Variants in BBX observed in about 807,000 individuals in gnomAD.
BBX encodes the protein BBX high mobility group box domain containing, also known as HMG box transcription factor BBX.
In BBX, 30 loss-of-function variants were observed where a neutral mutation model predicts 100.2. The ratio of observed to expected loss-of-function variants is 0.30; its 90% CI spans 0.22 to 0.41. The LOEUF is 0.41. Among genes scored for constraint, BBX ranks in the 10% least tolerant of loss-of-function variants. The probability of loss-of-function intolerance (pLI) is 1.00; values close to 1 mark genes in which losing one functional copy is unlikely to be tolerated. For synonymous variants in BBX, 376 were observed against 388.1 expected (o/e 0.97, Z 0.37); for missense variants, 1,023 against 1,129.8 (o/e 0.91, Z 1.35).
intron 2 of BBX, among the ~76,000 whole-genome samples, chr3:107,618,613 A>G (rs1236978848): frequency 6.6e-6 from 1 of 151,870 alleles, no homozygotes; most frequent in African/African-American, 2.4e-5. Flanking sequence ...CACTTGTTTC[A>G]ATGTTATTTT....
At chr3:107,647,945 G>A (rs781330601) in intron 3 of BBX, among the ~76,000 whole-genome samples, 1 of 152,098 alleles carries the variant, frequency 6.6e-6, no homozygotes, top group Non-Finnish European at 1.5e-5. Flanking sequence ...GCTTGGAAGT[G>A]GCACATGTCA....
At chr3:107,716,012 T>C (rs1265591427) in intron 4 of BBX, among the ~76,000 whole-genome samples, 3 of 152,220 alleles carry the variant, frequency 2.0e-5, no homozygotes, top group Non-Finnish European at 2.9e-5. Context: ...ATTTTGATTT[T>C]TTTACACAAG....
intron 7 of BBX, among the ~76,000 whole-genome samples, chr3:107,742,495 A>G (rs1560078161): frequency 6.6e-6 from 1 of 152,084 alleles, no homozygotes; most frequent in African/African-American, 2.4e-5. Context: ...TAAATCCGTA[A>G]TGCTTTAAAG....
At chr3:107,582,423 G>A (rs993209202) in intron 2 of BBX, among the ~76,000 whole-genome samples, 3 of 151,744 alleles carry the variant, frequency 2.0e-5, no homozygotes, top group Non-Finnish European at 4.4e-5. Flanking sequence ...TATCTTTATG[G>A]TTGAAGGATC....
chr3:107,571,674 C>T (rs754237704), intron 2 of BBX, among the ~76,000 whole-genome samples: 2 of 152,192 alleles, frequency 1.3e-5, no homozygotes, highest in African/African-American at 2.4e-5. Context: ...ACTGGTCTCC[C>T]GAAGGAGTCC....
chr3:107,747,906 C>G, intron 8 of BBX, 59 bp from the exon 9 acceptor site: 1 of 1,427,908 alleles, frequency 7.0e-7, no homozygotes, highest in Non-Finnish European at 9.8e-7. Context: ...ATGGCAGAAT[C>G]TTATGATCTG....
intron 7 of BBX, 146 bp from the exon 8 acceptor site, chr3:107,744,484 A>G (rs778816410): frequency 1.6e-6 from 1 of 626,670 alleles, no homozygotes; most frequent in Admixed American, 2.8e-5. Flanking sequence ...GAGGAAATGT[A>G]TATCCTGAGA....
intron 2 of BBX, among the ~76,000 whole-genome samples, chr3:107,579,931 AAC>A (rs1410232658): frequency 6.6e-6 from 1 of 152,146 alleles, no homozygotes; most frequent in Non-Finnish European, 1.5e-5. Context: ...TAGTTTTAAG[AAC>A]ACAAGTTGGC....
intron 3 of BBX, among the ~76,000 whole-genome samples, chr3:107,704,056 G>T (rs2061245282): frequency 6.6e-6 from 1 of 152,020 alleles, no homozygotes; most frequent in South Asian, 2.1e-4. Flanking sequence ...GGGTTTCCTG[G>T]GTCCAGTTCT....
intron 17 of BBX, among the ~76,000 whole-genome samples, chr3:107,802,895 C>T (rs568102659): frequency 2.6e-5 from 4 of 152,304 alleles, no homozygotes; most frequent in South Asian, 2.1e-4. Flanking sequence ...CCCTAGTCCC[C>T]GGTCCTCTTC....
At position 107,801,150 on chromosome 3, in the gene BBX, C is replaced by A; in HGVS notation, c.2607C>A (p.Asp869Glu). 1 of 1,614,222 alleles carries A rather than the reference C, an allele frequency of 6.2e-7. No individual in the cohort carries two copies. The highest frequency in any genetic ancestry group is 8.5e-7 in the Non-Finnish European group (1 of 1,180,042). Residue 869 changes from aspartate to glutamate, a missense_variant, in exon 17 of 18, where the codon GAC (aspartate) becomes GAA (glutamate). Asp to Glu is a conservative substitution (Grantham distance 45, BLOSUM62 2). Coordinates refer to ENST00000325805, the MANE Select transcript of BBX (RefSeq NM_001142568.3). ...QRSLPKATET[D>E]CNDKCSHNTE... ...GTCTCCCTAAAGCAACTGAGACAGA[C>A]TGCAATGACAAATGCTCACACAACA...
intron 3 of BBX, among the ~76,000 whole-genome samples, chr3:107,647,287 C>T (rs1019431338): frequency 6.6e-6 from 1 of 152,134 alleles, no homozygotes; most frequent in Non-Finnish European, 1.5e-5. Context: ...TGGCAGTATT[C>T]TGAATTTGCT....
In BBX at chr3:107,805,855, A is replaced by C. The variant is rs1006315465; in HGVS notation, c.*398A>C. The C allele has an allele frequency of 4.5e-5, 9 of 202,176 alleles. No individual in the cohort carries two copies. The highest frequency in any genetic ancestry group is 1.1e-4 in the East Asian group (1 of 8,752). 12.5% of individuals were successfully genotyped at this position (202,176 alleles called of 1,614,324 possible). A position where few individuals can be genotyped will look rare whatever the true frequency, so the allele number is the denominator to read the frequency against. ...GTTATTCTTTCAAAACAAAACAAAA[A>C]AAAAACAAAAACTGACGCACTGCAC... is the stretch of plus-strand genomic sequence containing the variant. On this transcript the variant is annotated 3_prime_UTR_variant, in exon 18 of 18. Coordinates refer to ENST00000325805, the MANE Select transcript of BBX (RefSeq NM_001142568.3).
intron 10 of BBX, among the ~76,000 whole-genome samples, chr3:107,756,098 G>A (rs940268419): frequency 2.6e-5 from 4 of 152,040 alleles, no homozygotes; most frequent in Non-Finnish European, 5.9e-5. Context: ...CATATGACAT[G>A]TTCTAAAATC....
chr3:107,782,777 T>G (rs940844834), intron 13 of BBX, among the ~76,000 whole-genome samples: 3 of 152,116 alleles, frequency 2.0e-5, no homozygotes, highest in Admixed American at 1.3e-4. Context: ...ACGGGTCATC[T>G]GCCCAAAAAC....
chr3:107,548,093 T>G (rs1432296048), intron 2 of BBX, among the ~76,000 whole-genome samples: 2 of 152,164 alleles, frequency 1.3e-5, no homozygotes, highest in Non-Finnish European at 1.5e-5. Flanking sequence ...GCATCGAGGT[T>G]TGGACGTATG....
At chr3:107,743,365 C>G (rs1429135677) in intron 7 of BBX, among the ~76,000 whole-genome samples, 1 of 152,078 alleles carries the variant, frequency 6.6e-6, no homozygotes, top group Non-Finnish European at 1.5e-5. Context: ...GATTTGTTGG[C>G]CTTTTTAATT....
chr3:107,662,474 G>C (rs376062361), intron 3 of BBX: 1 of 152,068 alleles, frequency 6.6e-6, no homozygotes, highest in Non-Finnish European at 1.5e-5. Flanking sequence ...AACATAATTG[G>C]TATCCGCTGC....
chr3:107,585,752 A>G (rs1458023544), intron 2 of BBX, among the ~76,000 whole-genome samples: 1 of 152,208 alleles, frequency 6.6e-6, no homozygotes, highest in Non-Finnish European at 1.5e-5. Context: ...AACTTGTGAT[A>G]TATATGACTC....
Sources: allele counts gnomAD v4.1 joint callset (sites outside exome capture counted in the v4.1 genomes callset), GRCh38; gene constraint gnomAD v4.1.1; transcripts MANE v1.5; gene names NCBI Gene and HGNC (gene_info 2026-07-23, HGNC 2026-07-21).